Variants in NKTR observed in about 807,000 individuals in gnomAD.
NKTR encodes the protein NK-tumor recognition protein.
Under a neutral mutation model 156.3 loss-of-function variants are expected in NKTR, and 67 were observed. The observed-to-expected ratio is 0.43, with a 90% CI of 0.35 to 0.53. The LOEUF is 0.53. Ranked by LOEUF, NKTR falls within the 20% of genes least tolerant of loss-of-function variation. The probability of loss-of-function intolerance (pLI) is 0.01; values close to 1 mark genes in which losing one functional copy is unlikely to be tolerated. For synonymous variants in NKTR, 640 were observed against 596.6 expected (o/e 1.07, Z -1.06); for missense variants, 1,604 against 1,730.9 (o/e 0.93, Z 1.30).
Position 42,638,886 on chromosome 3 carries a change from C to T in NKTR, c.3182C>T (p.Ser1061Phe), listed in dbSNP as rs774633722. The T allele has an allele frequency of 6.2e-7, 1 of 1,610,706 alleles. No homozygotes were observed. Among genetic ancestry groups the T allele is most frequent in the East Asian group, 2.2e-5 (1 of 44,842 alleles). Residue 1061 changes from serine to phenylalanine, a missense_variant, in exon 13 of 17, where the codon TCC (serine) becomes TTC (phenylalanine). Around this residue, in one of 6 missense-constraint regions of NKTR, gnomAD observed 1,255 missense variants for 1,243.7 expected, o/e 1.01. Coordinates refer to ENST00000232978, the MANE Select transcript of NKTR (RefSeq NM_005385.4). ...GATAATATTCTAAAAACTGAGAAAT[C>T]CAGTGAAGAGGACCTTTCAGGTAAA... is the stretch of plus-strand genomic sequence containing the variant. ...IKDNILKTEK[S>F]SEEDLSGKHD...
chr3:42,637,428 G>C lies in NKTR; in HGVS notation c.1724G>C (p.Ser575Thr). Reference sequence around the variant, plus strand: ...CCAAGAAAAACAGCTTCTCAGTTAAGTGAAAATAAACCAGTTAAAACAGAA... The same window carrying C: ...CCAAGAAAAACAGCTTCTCAGTTAACTGAAAATAAACCAGTTAAAACAGAA... ...KSPRKTASQLSENKPVKTEPL... is the reference protein window; with the variant it reads ...KSPRKTASQLTENKPVKTEPL... Residue 575 changes from serine to threonine, a missense_variant, in exon 13 of 17, where the codon AGT becomes ACT. Ser to Thr is a moderately conservative substitution (Grantham distance 58). Coordinates refer to ENST00000232978, the MANE Select transcript of NKTR (RefSeq NM_005385.4). The C allele has an allele frequency of 6.2e-7, 1 of 1,613,364 alleles. No homozygotes were observed. The highest frequency in any genetic ancestry group is 8.5e-7 in the Non-Finnish European group (1 of 1,179,792).
intron 6 of NKTR, among the ~76,000 whole-genome samples, chr3:42,626,639 T>C (rs1708416668): frequency 6.6e-6 from 1 of 152,150 alleles, no homozygotes; most frequent in African/African-American, 2.4e-5. Flanking sequence ...GCTCATTAAC[T>C]CCTGAAAGTA....
intron 2 of NKTR, among the ~76,000 whole-genome samples, chr3:42,614,343 A>AT (rs907712830): frequency 1.3e-5 from 2 of 151,746 alleles, no homozygotes; most frequent in African/African-American, 2.4e-5. Context: ...CTACAGCTTA[A>AT]TTTTTTTATC....
Position 42,639,046 on chromosome 3 carries a change from T to C in NKTR, c.3342T>C (p.Ser1114=). ...CLQNIQHVEE[S]VPNGVEDVLQ... is the part of the protein sequence containing the mutation. ...AAAACATTCAGCACGTTGAAGAAAG[T>C]GTTCCCAATGGAGTGGAAGATGTGC... Residue 1114 remains serine (S), a synonymous_variant, in exon 13 of 17, where the codon AGT becomes AGC. Transcript: ENST00000232978. The C allele has an allele frequency of 6.2e-7, 1 of 1,614,040 alleles. No homozygotes were observed. Among genetic ancestry groups the C allele is most frequent in the Non-Finnish European group, 8.5e-7 (1 of 1,179,982 alleles).
At position 42,600,791 on chromosome 3, in the gene NKTR, C is replaced by A. The variant is rs1705310040; in HGVS notation, c.-24+13C>A. ...GGAGGCCAGCCAGGTGAAGAGCTCG[C>A]CCGCATGCGTGCGCGCTGCGTGGGA... On this transcript the variant is annotated intron_variant, in intron 1 of 16. Coordinates refer to ENST00000232978, the MANE Select transcript of NKTR (RefSeq NM_005385.4). 2 of 384,610 alleles carry A rather than the reference C, an allele frequency of 5.2e-6. No individual in the cohort carries two copies. The highest frequency in any genetic ancestry group is 9.4e-5 in the Admixed American group (2 of 21,356). The allele number at this position is 384,610 out of a possible 1,614,324, so 23.8% of individuals were successfully genotyped here.
At chr3:42,609,384 A>G (rs1310204194) in intron 2 of NKTR, among the ~76,000 whole-genome samples, 1 of 152,220 alleles carries the variant, frequency 6.6e-6, no homozygotes, top group East Asian at 1.9e-4. Flanking sequence ...TTCTTTAGGA[A>G]TATAAGCTGA....
chr3:42,630,902 A>G, intron 7 of NKTR: 1 of 1,370,120 alleles, frequency 7.3e-7, no homozygotes, highest in Non-Finnish European at 9.4e-7. Flanking sequence ...CCAAGTACCA[A>G]GCGAAATCTG....
At chr3:42,627,703 A>C in intron 6 of NKTR, 1 of 983,380 alleles carries the variant, frequency 1.0e-6, no homozygotes, top group Non-Finnish European at 1.2e-6. Flanking sequence ...GAAAAATGGA[A>C]ATGCATAAAT....
intron 6 of NKTR, among the ~76,000 whole-genome samples, chr3:42,621,930 C>G (rs1198472376): frequency 6.6e-6 from 1 of 151,870 alleles, no homozygotes; most frequent in African/African-American, 2.4e-5. Flanking sequence ...TAAACCATTG[C>G]ATGGTTGTTT....
At position 42,639,070 on chromosome 3, in the gene NKTR, G is replaced by A. The variant is rs754821050; in HGVS notation, c.3366G>A (p.Val1122=). 1 of 1,613,956 alleles carries A rather than the reference G, an allele frequency of 6.2e-7. No individual in the cohort carries two copies. The highest frequency in any genetic ancestry group is 8.5e-7 in the Non-Finnish European group (1 of 1,179,970). ...EESVPNGVED[V]LQTDDNMEIC... is the part of the protein sequence containing the mutation. The stretch of plus-strand genomic sequence containing the variant: ...GTGTTCCCAATGGAGTGGAAGATGT[G>A]CTTCAAACAGATGACAACATGGAGA... The change falls in exon 13 of 17, where the codon GTG becomes GTA. Residue 1122 remains valine (V), a synonymous_variant. Coordinates refer to ENST00000232978, the MANE Select transcript of NKTR (RefSeq NM_005385.4).
In NKTR at chr3:42,637,514, A is replaced by T. The variant is rs1420273219; in HGVS notation, c.1810A>T (p.Asn604Tyr). The change falls in exon 13 of 17, where the codon AAT becomes TAT. Residue 604 changes from asparagine to tyrosine, a missense_variant. Asn to Tyr is a moderately radical substitution (Grantham distance 143). This residue lies in a region of NKTR where 1,255 missense variants were observed against 1,243.7 expected (regional missense o/e 1.01). Transcript: ENST00000232978. ...AGTAGTACAACCAGTTGTAGCAGAAAATATTCCTGTAATACCACTGAGTGA... is the reference window on the plus strand; with the variant it reads ...AGTAGTACAACCAGTTGTAGCAGAATATATTCCTGTAATACCACTGAGTGA... ...NVVVQPVVAENIPVIPLSDSP... is the reference protein window; with the variant it reads ...NVVVQPVVAEYIPVIPLSDSP... 1 of 1,614,100 alleles carries T rather than the reference A, an allele frequency of 6.2e-7. No homozygotes were observed. Among genetic ancestry groups the T allele is most frequent in the South Asian group, 1.1e-5 (1 of 91,064 alleles).
chr3:42,638,626 A>G lies in NKTR; in HGVS notation c.2922A>G (p.Pro974=). ...CSNSENNRGK[P]QKHKHGSKEN... is the part of the protein sequence containing the mutation. ...ATTCGGAAAACAATAGGGGAAAGCC[A>G]CAAAAGCACAAACATGGGTCAAAGG... Residue 974 remains proline (P), a synonymous_variant, in exon 13 of 17, where the codon CCA becomes CCG. Transcript: ENST00000232978. 2 of 1,613,490 alleles carry G rather than the reference A, an allele frequency of 1.2e-6. No individual in the cohort carries two copies. The highest frequency in any genetic ancestry group is 1.7e-6 in the Non-Finnish European group (2 of 1,179,866).
chr3:42,635,057 TAAAAAAAA>T (rs58779310), intron 11 of NKTR, 156 bp from the exon 12 acceptor site: 11 of 286,756 alleles, frequency 3.8e-5, no homozygotes, highest in Non-Finnish European at 7.0e-5. Flanking sequence ...AGTTAAAAAC[TAAAAAAAA>T]AAAAAAAAAA....
Position 42,637,645 on chromosome 3 carries a change from A to G in NKTR, c.1941A>G (p.Gln647=), listed in dbSNP as rs368196836. The stretch of plus-strand genomic sequence containing the variant: ...AAACAACCCATTTGCTACCCATCCA[A>G]AGCACTTACAGTTTAGCAAATATTA... ...KAKTTHLLPI[Q]STYSLANIKE... Residue 647 remains glutamine, a synonymous_variant, in exon 13 of 17, where the codon CAA becomes CAG. Transcript: ENST00000232978. 68 of 1,612,064 alleles carry G rather than the reference A, an allele frequency of 4.2e-5. No homozygotes were observed. The highest frequency in any genetic ancestry group is 5.0e-5 in the Admixed American group (3 of 59,530).
Position 42,637,287 on chromosome 3 carries a change from A to T in NKTR, c.1583A>T (p.Tyr528Phe), listed in dbSNP as rs752648096. 6.2e-7 allele frequency: 1 copy of T among 1,614,138 alleles called. No individual in the cohort carries two copies. The highest frequency in any genetic ancestry group is 1.1e-5 in the South Asian group (1 of 91,070). Residue 528 changes from tyrosine to phenylalanine, a missense_variant, in exon 13 of 17, where the codon TAT (tyrosine) becomes TTT (phenylalanine). This residue lies in a region of NKTR where 1,255 missense variants were observed against 1,243.7 expected (regional missense o/e 1.01). Transcript: ENST00000232978. ...AGATCAAAATCTCACTCACAGTCTT[A>T]TTCTAGAGGAAGCTCAAGATCAAGG... ...SYRSKSHSQS[Y>F]SRGSSRSRTA...
At chr3:42,623,930 G>GT in intron 6 of NKTR, 1 of 152,202 alleles carries the variant, frequency 6.6e-6, no homozygotes, top group South Asian at 2.1e-4. Context: ...TGTTTTTGTA[G>GT]TTTTTGTTAC....
At chr3:42,645,812 T>TA in intron 16 of NKTR, 76 bp from the exon 17 acceptor site, 2 of 978,724 alleles carry the variant, frequency 2.0e-6, no homozygotes, top group Non-Finnish European at 3.1e-6. Flanking sequence ...GCCACTCATA[T>TA]AAAAAACAAG....
chr3:42,630,125 T>G (rs1708755369), intron 6 of NKTR: 1 of 992,852 alleles, frequency 1.0e-6, no homozygotes, highest in Non-Finnish European at 1.2e-6. Flanking sequence ...TGTTAATCAC[T>G]TTCTTTCCAT....
intron 2 of NKTR, among the ~76,000 whole-genome samples, chr3:42,609,918 A>G (rs1036077089): frequency 3.9e-5 from 6 of 152,288 alleles, no homozygotes; most frequent in Middle Eastern, 3.4e-3. Flanking sequence ...TTCTAGGTGT[A>G]TAGCTAATGT....
Sources: allele counts gnomAD v4.1 joint callset (sites outside exome capture counted in the v4.1 genomes callset), GRCh38; gene constraint gnomAD v4.1.1; regional missense constraint gnomAD v4.1.1; transcripts MANE v1.5; gene names NCBI Gene and HGNC (gene_info 2026-07-23, HGNC 2026-07-21).